Variants in CRYBA2 observed in about 807,000 individuals in gnomAD.
CRYBA2 encodes crystallin beta A2.
CRYBA2 carries 17 observed loss-of-function variants against 18.5 expected under a neutral mutation model. The ratio of observed to expected loss-of-function variants is 0.92; its 90% CI spans 0.63 to 1.38. CRYBA2 has a LOEUF of 1.38. Ranked by LOEUF, CRYBA2 falls within the 40% of genes most tolerant of loss-of-function variation. CRYBA2 has a pLI of 0.00. For synonymous variants in CRYBA2, 101 were observed against 106.2 expected (o/e 0.95, Z 0.30); for missense variants, 271 against 265.0 (o/e 1.02, Z -0.16).
Position 218,992,310 on chromosome 2 carries a change from G to A in CRYBA2, c.162-67C>T. Reference sequence around the variant, plus strand: ...ACCCTCTCTGCCCTCCCCCTTGCCGGCCATGATTGAAAAGACTGAGAAGCA... The same window carrying A: ...ACCCTCTCTGCCCTCCCCCTTGCCGACCATGATTGAAAAGACTGAGAAGCA... On this transcript the variant is annotated intron_variant, in intron 1 of 3. Transcript: ENST00000295728. The A allele has an allele frequency of 3.3e-6, 5 of 1,532,290 alleles. No individual in the cohort carries two copies. The East Asian group carries it at 9.2e-5, about 28-fold the overall frequency. 94.9% of individuals were successfully genotyped at this position (1,532,290 alleles called of 1,614,324 possible).
At chr2:218,992,038 G>A (rs1945503419) in intron 2 of CRYBA2, 64 bp downstream of exon 2, 2 of 1,473,300 alleles carry the variant, frequency 1.4e-6, no homozygotes, top group African/African-American at 1.4e-5. Flanking sequence ...AGCCTTTCTA[G>A]GTGCCATGGT....
In CRYBA2 at chr2:218,990,214, T is replaced by C; in HGVS notation, c.*38A>G. The stretch of plus-strand genomic sequence containing the variant: ...GGGCAGGAAGATTCAGGAACCTTTA[T>C]TGAGTGTCCTCAGGGAAGGTGTCTG... On this transcript the variant is annotated 3_prime_UTR_variant, in exon 4 of 4. Coordinates refer to ENST00000295728, the MANE Select transcript of CRYBA2 (RefSeq NM_057093.2). 6.2e-7 allele frequency: 1 copy of C among 1,612,180 alleles called. No individual in the cohort carries two copies. Among genetic ancestry groups the C allele is most frequent in the Non-Finnish European group, 8.5e-7 (1 of 1,178,470 alleles).
At position 218,993,292 on chromosome 2, in the gene CRYBA2, G is replaced by C; in HGVS notation, c.-116C>G. 1.8e-6 allele frequency: 2 copies of C among 1,092,762 alleles called. No homozygotes were observed. Among genetic ancestry groups the C allele is most frequent in the South Asian group, 3.2e-5 (2 of 63,024 alleles). The allele number at this position is 1,092,762 out of a possible 1,614,324, so 67.7% of individuals were successfully genotyped here. On this transcript the variant is annotated 5_prime_UTR_variant, in exon 1 of 4. Coordinates refer to ENST00000295728, the MANE Select transcript of CRYBA2 (RefSeq NM_057093.2). The surrounding 1 kb of genome is among the most constrained non-coding windows in gnomAD (Gnocchi z 7.7). ...GATGAAGAACCCGGGGGCTGGACCC[G>C]GCCTAGCTCTGGACCCGGCTGCCAG...
intron 2 of CRYBA2, 93 bp downstream of exon 2, chr2:218,992,008 AC>A (rs1438398302): frequency 5.5e-6 from 6 of 1,083,610 alleles, no homozygotes; most frequent in Non-Finnish European, 7.8e-6. Context: ...GTTTACACAC[AC>A]CCCATGCAGG....
chr2:218,992,686 C>T (rs1311428444), intron 1 of CRYBA2, among the ~76,000 whole-genome samples: 1 of 152,100 alleles, frequency 6.6e-6, no homozygotes, highest in Non-Finnish European at 1.5e-5. Flanking sequence ...GATTGGGTTT[C>T]TTTTGTTAAG....
At chr2:218,991,170 C>A in intron 2 of CRYBA2, 176 bp from the exon 3 acceptor site, 1 of 901,746 alleles carries the variant, frequency 1.1e-6, no homozygotes, top group Non-Finnish European at 1.6e-6. Flanking sequence ...AAATGGATCG[C>A]TCAGAGGTTC....
Position 218,990,240 on chromosome 2 carries a change from G to A in CRYBA2, c.*12C>T. On this transcript the variant is annotated 3_prime_UTR_variant, in exon 4 of 4. Transcript: ENST00000295728. Reference sequence around the variant, plus strand: ...TGAGTGTCCTCAGGGAAGGTGTCTGGGGCCGTGGAGCCTAGTGCTGGACTC... The same window carrying A: ...TGAGTGTCCTCAGGGAAGGTGTCTGAGGCCGTGGAGCCTAGTGCTGGACTC... 6.2e-7 allele frequency: 1 copy of A among 1,614,036 alleles called. No individual in the cohort carries two copies. Among genetic ancestry groups the A allele is most frequent in the Non-Finnish European group, 8.5e-7 (1 of 1,179,950 alleles).
chr2:218,991,216 G>A, intron 2 of CRYBA2: 1 of 552,970 alleles, frequency 1.8e-6, no homozygotes, highest in Middle Eastern at 4.7e-4. Context: ...TTTGAGATAA[G>A]GAGGTGATTG....
chr2:218,992,411 A>C (rs925585566), intron 1 of CRYBA2, among the ~76,000 whole-genome samples, 168 bp from the exon 2 acceptor site: 11 of 152,200 alleles, frequency 7.2e-5, no homozygotes, highest in African/African-American at 1.9e-4. Context: ...TCGGAACTAA[A>C]GGTCCAAAAC....
At chr2:218,992,968 A>G (rs1574492150) in intron 1 of CRYBA2, 48 bp downstream of exon 1, 1 of 1,509,288 alleles carries the variant, frequency 6.6e-7, no homozygotes, top group South Asian at 1.2e-5. Context: ...GGCCGGTGGA[A>G]CCCAGCGCCC....
chr2:218,993,035 C>A lies in CRYBA2; in HGVS notation c.142G>T (p.Val48Phe). The change falls in exon 1 of 4, where the codon GTC (valine) becomes TTC (phenylalanine). Residue 48 changes from valine to phenylalanine, a missense_variant. By Grantham distance (50) the Val-to-Phe change is conservative (BLOSUM62 -1). Coordinates refer to ENST00000295728, the MANE Select transcript of CRYBA2 (RefSeq NM_057093.2). This position sits in a 1 kb window ranked among gnomAD's most constrained non-coding sequence, Gnocchi z 7.7. ...ACTCACACGCCGTTTTCCACCTTGA[C>A]CGAGCGCACCCTGGGCAGGCCTCCG... ...ERGGLPRVRSVKVENGVWVAF... is the reference protein window; with the variant it reads ...ERGGLPRVRSFKVENGVWVAF... 6.2e-7 allele frequency: 1 copy of A among 1,606,198 alleles called. No individual in the cohort carries two copies. The highest frequency in any genetic ancestry group is 8.5e-7 in the Non-Finnish European group (1 of 1,175,266).
chr2:218,992,579 T>C (rs1464490852), intron 1 of CRYBA2, among the ~76,000 whole-genome samples: 1 of 151,562 alleles, frequency 6.6e-6, no homozygotes, highest in Middle Eastern at 3.2e-3. Context: ...CTCCCGAATA[T>C]CACAGCAGAA....
chr2:218,992,887 G>C, intron 1 of CRYBA2, 129 bp downstream of exon 1: 1 of 671,068 alleles, frequency 1.5e-6, no homozygotes. Context: ...ATTTTGGGGA[G>C]GCTATGGGGT....
chr2:218,991,283 T>C (rs1945495106), intron 2 of CRYBA2: 1 of 302,836 alleles, frequency 3.3e-6, no homozygotes, highest in Non-Finnish European at 6.0e-6. Flanking sequence ...TCTTGTGACA[T>C]GGGCCCATTT....
At chr2:218,992,302 C>A (rs1350047178) in intron 1 of CRYBA2, 59 bp from the exon 2 acceptor site, 5 of 1,559,110 alleles carry the variant, frequency 3.2e-6, no homozygotes, top group Non-Finnish European at 4.4e-6. Flanking sequence ...CTGCCCTCCC[C>A]CTTGCCGGCC....
intron 2 of CRYBA2, 59 bp from the exon 3 acceptor site, chr2:218,991,053 A>C: frequency 6.3e-7 from 1 of 1,588,576 alleles, no homozygotes; most frequent in Non-Finnish European, 8.6e-7. Context: ...TAACGGATAC[A>C]TCCTCTGCCT....
chr2:218,992,110 G>GCACTGGCC lies in CRYBA2; in HGVS notation c.287_294dup (p.Leu99GlyfsTer13), dbSNP rs1945504518. 4 of 1,612,814 alleles carry GCACTGGCC rather than the reference G, an allele frequency of 2.5e-6. No homozygotes were observed. Among genetic ancestry groups the GCACTGGCC allele is most frequent in the Non-Finnish European group, 2.5e-6 (3 of 1,179,604 alleles). ...AAGTGGGCTGTGCTCACCGCGCAGA[G>GCACTGGCC]CACTGGCCGGAAGGACAGCAGCTGG... On this transcript the variant is annotated frameshift_variant, in exon 2 of 4. Coordinates refer to ENST00000295728, the MANE Select transcript of CRYBA2 (RefSeq NM_057093.2). LOFTEE classifies it high-confidence loss of function.
Position 218,992,120 on chromosome 2 carries a change from G to T in CRYBA2, c.285C>A (p.Phe95Leu). The T allele has an allele frequency of 6.2e-7, 1 of 1,613,438 alleles. No homozygotes were observed. The highest frequency in any genetic ancestry group is 8.5e-7 in the Non-Finnish European group (1 of 1,179,838). Residue 95 changes from phenylalanine to leucine, a missense_variant, in exon 2 of 4, where the codon TTC becomes TTA. Transcript: ENST00000295728. ...TGCTCACCGCGCAGAGCACTGGCCG[G>T]AAGGACAGCAGCTGGTTGCTGTTGT... Reference protein sequence around the residue: ...SSHNSNQLLSFRPVLCANHND... With the variant: ...SSHNSNQLLSLRPVLCANHND...
chr2:218,993,272 A>G lies in CRYBA2; in HGVS notation c.-96T>C. On this transcript the variant is annotated 5_prime_UTR_variant, in exon 1 of 4. Coordinates refer to ENST00000295728, the MANE Select transcript of CRYBA2 (RefSeq NM_057093.2). The surrounding 1 kb of genome is among the most constrained non-coding windows in gnomAD (Gnocchi z 7.7). ...CCTGCCCAACCTGGGTAGCGGATGA[A>G]GAACCCGGGGGCTGGACCCGGCCTA... 1 of 1,307,660 alleles carries G rather than the reference A, an allele frequency of 7.6e-7. No individual in the cohort carries two copies. The highest frequency in any genetic ancestry group is 1.0e-6 in the Non-Finnish European group (1 of 963,114). 81.0% of individuals were successfully genotyped at this position (1,307,660 alleles called of 1,614,324 possible).
Sources: allele counts gnomAD v4.1 joint callset (sites outside exome capture counted in the v4.1 genomes callset), GRCh38; gene constraint gnomAD v4.1.1; non-coding constraint Gnocchi (gnomAD v3.1); transcripts MANE v1.5; gene names NCBI Gene and HGNC (gene_info 2026-07-23, HGNC 2026-07-21).